The following ADAM17 variants were observed in gnomAD, a reference collection of about 807,000 sequenced individuals.
ADAM17 encodes the protein ADAM metallopeptidase domain 17, also known as disintegrin and metalloproteinase domain-containing protein 17.
Under a neutral mutation model 96.7 loss-of-function variants are expected in ADAM17, and 39 were observed. The observed-to-expected ratio is 0.40, with a 90% CI of 0.31 to 0.53. The LOEUF (loss-of-function observed/expected upper bound fraction) is 0.53. ADAM17 is among the 20% of genes least tolerant of loss of function. The pLI is 0.44. For synonymous variants in ADAM17, 344 were observed against 359.2 expected (o/e 0.96, Z 0.48); for missense variants, 777 against 1,013.2 (o/e 0.77, Z 3.17).
chr2:9,501,625 A>C (rs1019633846), intron 13 of ADAM17, among the ~76,000 whole-genome samples: 7 of 152,142 alleles, frequency 4.6e-5, no homozygotes, highest in African/African-American at 1.2e-4. Flanking sequence ...ATATAGAAAA[A>C]CTGGTTACCC....
chr2:9,549,841 C>A (rs1665528031), intron 1 of ADAM17, among the ~76,000 whole-genome samples: 1 of 152,052 alleles, frequency 6.6e-6, no homozygotes, highest in South Asian at 2.1e-4. Context: ...ACATTAATTT[C>A]TTTTATTTTT....
At position 9,527,582 on chromosome 2, in the gene ADAM17, T is replaced by C. The variant is rs1572938896; in HGVS notation, c.619+204A>G. 1.8e-4 allele frequency: 63 copies of C among 358,748 alleles called. 1 individual carries two copies. The East Asian group carries it at 2.7e-3, about 15-fold the overall frequency. 22.2% of individuals were successfully genotyped at this position (358,748 alleles called of 1,614,324 possible). ...AATCTTTTTTAAAGTCTAATCTCTG[T>C]TGTTCCCATTATTTTCCAGAGTTTT... On this transcript the variant is annotated intron_variant, in intron 5 of 18. Transcript: ENST00000310823.
intron 8 of ADAM17, among the ~76,000 whole-genome samples, 194 bp from the exon 9 acceptor site, chr2:9,518,441 G>A (rs1466189265): frequency 6.6e-6 from 1 of 152,190 alleles, no homozygotes; most frequent in Non-Finnish European, 1.5e-5. Context: ...CTGCACAGGT[G>A]AGAGGCACAC....
At chr2:9,551,049 T>C (rs1304735335) in intron 1 of ADAM17, among the ~76,000 whole-genome samples, 1 of 150,584 alleles carries the variant, frequency 6.6e-6, no homozygotes, top group African/African-American at 2.5e-5. Flanking sequence ...CGCTCCAGCC[T>C]GGGTGACAGT....
intron 13 of ADAM17, among the ~76,000 whole-genome samples, chr2:9,498,453 GAAAA>G (rs756351254): frequency 6.6e-6 from 1 of 151,848 alleles, no homozygotes; most frequent in Non-Finnish European, 1.5e-5. Context: ...TAGAGGAGGA[GAAAA>G]AAAACACTTT....
Position 9,510,061 on chromosome 2 carries a change from G to GCTAGACCATCCGGAT in ADAM17, c.1247_1261dup (p.Asp416_Leu420dup), listed in dbSNP as rs1228501041. ...CTGGTCCTCATTCGGGGCACATTCTGCTAGACCATCCGGATCATGTTCTGC... is the reference window on the plus strand; with the variant it reads ...CTGGTCCTCATTCGGGGCACATTCTGCTAGACCATCCGGATCTAGACCATCCGGATCATGTTCTGC... On this transcript the variant is annotated inframe_insertion, in exon 11 of 19. Coordinates refer to ENST00000310823, the MANE Select transcript of ADAM17 (RefSeq NM_003183.6). The GCTAGACCATCCGGAT allele has an allele frequency of 6.2e-7, 1 of 1,613,976 alleles. No individual in the cohort carries two copies. Among genetic ancestry groups the GCTAGACCATCCGGAT allele is most frequent in the Non-Finnish European group, 8.5e-7 (1 of 1,180,006 alleles).
chr2:9,526,273 T>C, intron 5 of ADAM17, 29 bp from the exon 6 acceptor site: 1 of 1,598,266 alleles, frequency 6.3e-7, no homozygotes, highest in Non-Finnish European at 8.5e-7. Flanking sequence ...CACTATTAAA[T>C]CAAAATTCAC....
chr2:9,532,735 G>A (rs927873175), intron 4 of ADAM17, among the ~76,000 whole-genome samples: 2 of 141,306 alleles, frequency 1.4e-5, no homozygotes, highest in East Asian at 2.1e-4. Flanking sequence ...CAGTCCACCC[G>A]CCTCAGCCTC....
intron 10 of ADAM17, among the ~76,000 whole-genome samples, chr2:9,510,961 T>C (rs571461920): frequency 1.3e-5 from 2 of 152,338 alleles, no homozygotes; most frequent in East Asian, 3.9e-4. Flanking sequence ...AAATGTAATT[T>C]ATAAGATATA....
intron 1 of ADAM17, among the ~76,000 whole-genome samples, chr2:9,548,378 G>A (rs983855847): frequency 2.6e-5 from 4 of 151,964 alleles, no homozygotes; most frequent in Non-Finnish European, 4.4e-5. Context: ...GTGGAGAATG[G>A]GCTAGAGGGG....
chr2:9,523,770 T>C (rs1664407746), intron 6 of ADAM17, among the ~76,000 whole-genome samples: 1 of 152,220 alleles, frequency 6.6e-6, no homozygotes, highest in East Asian at 1.9e-4. Flanking sequence ...AGAGACAATA[T>C]GATCAACTCT....
At chr2:9,549,604 T>C (rs979376700) in intron 1 of ADAM17, among the ~76,000 whole-genome samples, 1 of 152,112 alleles carries the variant, frequency 6.6e-6, no homozygotes, top group African/African-American at 2.4e-5. Flanking sequence ...CACCACTCAC[T>C]GCAGCCTCAA....
At chr2:9,535,785 G>T in intron 4 of ADAM17, 49 bp downstream of exon 4, 2 of 1,261,122 alleles carry the variant, frequency 1.6e-6, no homozygotes, top group South Asian at 1.3e-5. Context: ...GCAGCTTTTT[G>T]AAAATCAGAG....
intron 10 of ADAM17, 83 bp from the exon 11 acceptor site, chr2:9,510,214 A>G: frequency 7.1e-7 from 1 of 1,416,974 alleles, no homozygotes; most frequent in Non-Finnish European, 9.7e-7. Context: ...GCTGTCTTAA[A>G]TAGAGCCTTA....
At chr2:9,521,020 T>G (rs1460958615) in intron 8 of ADAM17, among the ~76,000 whole-genome samples, 183 bp downstream of exon 8, 1 of 147,286 alleles carries the variant, frequency 6.8e-6, no homozygotes, top group African/African-American at 2.5e-5. Flanking sequence ...TTCTTTTTCA[T>G]AGAGTTTTTG....
chr2:9,535,853 C>T lies in ADAM17; in HGVS notation c.431G>A (p.Gly144Glu). The T allele has an allele frequency of 6.3e-7, 1 of 1,599,850 alleles. No individual in the cohort carries two copies. Among genetic ancestry groups the T allele is most frequent in the South Asian group, 1.1e-5 (1 of 88,600 alleles). Residue 144 changes from glycine (G) to glutamate (E), a missense_variant, in exon 4 of 19, where the codon GGG becomes GAG. By Grantham distance (98) the Gly-to-Glu change is moderately conservative. This residue lies in a region of ADAM17 where 446 missense variants were observed against 664.7 expected (regional missense o/e 0.67). Coordinates refer to ENST00000310823, the MANE Select transcript of ADAM17 (RefSeq NM_003183.6). Reference sequence around the variant, plus strand: ...ATTTACCTCTATGTTATATTCGGCCCCATCTGTGTTGATTCTGATTATAAC... The same window carrying T: ...ATTTACCTCTATGTTATATTCGGCCTCATCTGTGTTGATTCTGATTATAAC... ...DDVIIRINTDGAEYNIEPLWR... is the reference protein window; with the variant it reads ...DDVIIRINTDEAEYNIEPLWR...
intron 13 of ADAM17, among the ~76,000 whole-genome samples, chr2:9,500,716 C>T (rs1239990365): frequency 3.9e-5 from 6 of 151,968 alleles, no homozygotes; most frequent in South Asian, 2.1e-4. Context: ...CAAAAAACAT[C>T]GCAAGGGTAA....
chr2:9,531,273 A>G (rs1664726600), intron 4 of ADAM17, among the ~76,000 whole-genome samples: 1 of 151,260 alleles, frequency 6.6e-6, no homozygotes, highest in African/African-American at 2.4e-5. Flanking sequence ...TTTTAAAACT[A>G]GAAGCTGGGG....
chr2:9,546,586 A>C (rs1382795299), intron 1 of ADAM17, among the ~76,000 whole-genome samples: 1 of 152,160 alleles, frequency 6.6e-6, no homozygotes, highest in Non-Finnish European at 1.5e-5. Context: ...CCAAGAGTTT[A>C]TCTCTTATCC....
Sources: allele counts gnomAD v4.1 joint callset (sites outside exome capture counted in the v4.1 genomes callset), GRCh38; gene constraint gnomAD v4.1.1; regional missense constraint gnomAD v4.1.1; transcripts MANE v1.5; gene names NCBI Gene and HGNC (gene_info 2026-07-23, HGNC 2026-07-21).